Variants in FSTL5 observed in about 807,000 individuals in gnomAD.
FSTL5 encodes the protein follistatin like 5.
A neutral mutation model predicts 89.1 loss-of-function variants in FSTL5; 62 were observed. The ratio of observed to expected loss-of-function variants is 0.70; its 90% CI spans 0.57 to 0.86. The LOEUF is 0.86. Among genes scored for constraint, FSTL5 ranks in the 40% least tolerant of loss-of-function variants. FSTL5 has a pLI of 0.00. For missense variants in FSTL5, 1,057 were observed against 1,001.6 expected, an observed-to-expected ratio of 1.06 and a Z score of -0.75; for synonymous variants, 383 against 346.2, an observed-to-expected ratio of 1.11 and a Z score of -1.18.
intron 4 of FSTL5, among the ~76,000 whole-genome samples, chr4:161,866,667 T>C (rs1732102772): frequency 6.6e-6 from 1 of 151,954 alleles, no homozygotes; most frequent in Non-Finnish European, 1.5e-5. Context: ...ACAATTATAA[T>C]TTTTATAAAA....
intron 4 of FSTL5, among the ~76,000 whole-genome samples, chr4:161,867,834 TAAGATGGTCATCAATCATCTATA>T (rs1281949769): frequency 1.3e-5 from 2 of 151,830 alleles, no homozygotes; most frequent in Admixed American, 6.6e-5. Flanking sequence ...TTCAGACATC[TAAGATGGTCATCAATCATCTATA>T]ATAAAAAATT....
At chr4:161,431,727 TCACCAATAAAGA>T in intron 15 of FSTL5, among the ~76,000 whole-genome samples, 1 of 152,056 alleles carries the variant, frequency 6.6e-6, no homozygotes, top group South Asian at 2.1e-4. Flanking sequence ...GAGACACATT[TCACCAATAAAGA>T]CACACATAGA....
Position 162,144,445 on chromosome 4 carries a change from T to C in FSTL5, c.-17+19170A>G, listed in dbSNP as rs561308247. Among the ~76,000 whole-genome samples the C allele has an allele frequency of 2.6e-5, 4 of 152,332 alleles. No homozygotes were observed. The South Asian group carries it at 6.2e-4, about 24-fold the overall frequency. On this transcript the variant is annotated intron_variant, in intron 1 of 15. Transcript: ENST00000306100. ...TTTATTTCCAAGTTACTATTTGAGC[T>C]TCATTCCATTCACTACAATCAGACA...
intron 4 of FSTL5, among the ~76,000 whole-genome samples, chr4:161,915,155 A>G (rs1733803327): frequency 6.6e-6 from 1 of 152,170 alleles, no homozygotes; most frequent in African/African-American, 2.4e-5. Context: ...TGTTGCCTTC[A>G]CTATAGTATA....
chr4:161,516,737 A>G (rs1477230169), intron 10 of FSTL5, among the ~76,000 whole-genome samples: 1 of 136,130 alleles, frequency 7.3e-6, no homozygotes, highest in African/African-American at 3.4e-5. Flanking sequence ...ACACACACAC[A>G]CACACACACA....
At chr4:162,111,441 G>C (rs373424639) in intron 1 of FSTL5, 29 bp from the exon 2 acceptor site, 6 of 1,528,498 alleles carry the variant, frequency 3.9e-6, no homozygotes, top group Non-Finnish European at 5.4e-6. Context: ...CAAGGAATCA[G>C]AGAAAATGAA....
chr4:161,572,577 A>G (rs187630983), intron 8 of FSTL5, among the ~76,000 whole-genome samples: 230 of 152,244 alleles, frequency 1.5e-3, no homozygotes, highest in African/African-American at 5.5e-3. Flanking sequence ...TCTAATTTTT[A>G]TAGTTACCAG....
intron 7 of FSTL5, among the ~76,000 whole-genome samples, chr4:161,644,606 G>A (rs1736082916): frequency 6.6e-6 from 1 of 152,058 alleles, no homozygotes; most frequent in African/African-American, 2.4e-5. Flanking sequence ...GCAGTAAAGT[G>A]TGAACATGGG....
intron 2 of FSTL5, among the ~76,000 whole-genome samples, chr4:162,094,428 C>A (rs780386607): frequency 6.6e-6 from 1 of 152,030 alleles, no homozygotes; most frequent in South Asian, 2.1e-4. Context: ...AAGGCATACA[C>A]GAGAATTTCA....
intron 8 of FSTL5, among the ~76,000 whole-genome samples, chr4:161,576,429 G>C (rs984267728): frequency 1.3e-5 from 2 of 152,128 alleles, no homozygotes; most frequent in Non-Finnish European, 2.9e-5. Flanking sequence ...ACACTACAAG[G>C]CTACAGTAAC....
intron 3 of FSTL5, among the ~76,000 whole-genome samples, chr4:161,930,597 A>G (rs1425840347): frequency 2.0e-5 from 3 of 151,778 alleles, no homozygotes; most frequent in African/African-American, 7.3e-5. Context: ...CAGGTTCAGA[A>G]CACAGGGTTC....
chr4:161,504,311 AG>A, intron 11 of FSTL5, among the ~76,000 whole-genome samples: 1 of 152,000 alleles, frequency 6.6e-6, no homozygotes, highest in Non-Finnish European at 1.5e-5. Context: ...AAGTTTGTAA[AG>A]GGGTCCTGAG....
In FSTL5 at chr4:161,742,620, C is replaced by T. The variant is rs183354869; in HGVS notation, c.727+16791G>A. 1.3e-3 allele frequency among the ~76,000 whole-genome samples: 202 copies of T among 152,198 alleles called. 1 individual carries two copies. Among genetic ancestry groups the T allele is most frequent in the Non-Finnish European group, 2.4e-4 (16 of 68,002 alleles). On this transcript the variant is annotated intron_variant, in intron 6 of 15. Transcript: ENST00000306100. Reference sequence around the variant, plus strand: ...TTTAGGTTTGAACAAATGGCAGTGACGCGCCAGAAGAGAATCCATGTGACA... The same window carrying T: ...TTTAGGTTTGAACAAATGGCAGTGATGCGCCAGAAGAGAATCCATGTGACA...
intron 2 of FSTL5, among the ~76,000 whole-genome samples, chr4:162,064,519 T>G (rs2111290774): frequency 6.6e-6 from 1 of 152,162 alleles, no homozygotes; most frequent in African/African-American, 2.4e-5. Context: ...TTCTTTTGCC[T>G]TACTATTTGA....
chr4:161,834,220 G>C (rs1290208067), intron 4 of FSTL5, among the ~76,000 whole-genome samples: 1 of 152,104 alleles, frequency 6.6e-6, no homozygotes, highest in Admixed American at 6.6e-5. Flanking sequence ...TATCTCAATA[G>C]ATGCAGAAAA....
At chr4:161,440,947 G>C (rs1732738998) in intron 15 of FSTL5, among the ~76,000 whole-genome samples, 2 of 152,092 alleles carry the variant, frequency 1.3e-5, no homozygotes, top group African/African-American at 4.8e-5. Flanking sequence ...AATTTTGAGT[G>C]TCTAAACATT....
intron 4 of FSTL5, among the ~76,000 whole-genome samples, chr4:161,829,875 T>C (rs1208042013): frequency 1.3e-5 from 2 of 152,056 alleles, no homozygotes; most frequent in Non-Finnish European, 2.9e-5. Context: ...ATTGTATGCA[T>C]CAATGACAAG....
At chr4:161,875,077 C>G (rs910169662) in intron 4 of FSTL5, among the ~76,000 whole-genome samples, 1 of 152,092 alleles carries the variant, frequency 6.6e-6, no homozygotes, top group Non-Finnish European at 1.5e-5. Context: ...TGTATATCTA[C>G]AGATATTATT....
intron 4 of FSTL5, among the ~76,000 whole-genome samples, chr4:161,808,089 A>G (rs181250573): frequency 6.6e-6 from 1 of 152,312 alleles, no homozygotes; most frequent in East Asian, 1.9e-4. Context: ...AATGTAAAGG[A>G]TAAAATATTT....
Sources: gnomAD v4.1 joint callset for allele counts (sites outside exome capture counted in the v4.1 genomes callset) on GRCh38, gnomAD v4.1.1 for gene constraint, MANE v1.5 for transcripts, NCBI Gene and HGNC (gene_info 2026-07-23, HGNC 2026-07-21) for gene names.